BTBD10: variants seen among roughly 807,000 people sequenced by gnomAD.
BTBD10 encodes BTB/POZ domain-containing protein 10.
Under a neutral mutation model 53.2 loss-of-function variants are expected in BTBD10, and 21 were observed. The ratio of observed to expected loss-of-function variants is 0.39; its 90% CI spans 0.28 to 0.57. The LOEUF is 0.57. Among genes scored for constraint, BTBD10 ranks in the 20% least tolerant of loss-of-function variants. The pLI is 0.53. For synonymous variants in BTBD10, 149 were observed against 192.7 expected, an observed-to-expected ratio of 0.77 and a Z score of 1.88; for missense variants, 360 against 594.7, an observed-to-expected ratio of 0.61 and a Z score of 4.10.
rs1950222949 is a variant in BTBD10 at position 13,420,504 on chromosome 11, A to T, written c.299-759T>A. ...GAAAATTTTCTTAAGATGTTCTAAT[A>T]GTCTACAAAAGAAAAATAAAAACCA... On this transcript the variant is annotated intron_variant, in intron 3 of 8. Coordinates refer to ENST00000278174, the MANE Select transcript of BTBD10 (RefSeq NM_032320.7). Among the ~76,000 whole-genome samples, 2 of 152,156 alleles carry T rather than the reference A, an allele frequency of 1.3e-5. 1 individual carries two copies.
At chr11:13,458,876 C>T (rs1420863834) in intron 1 of BTBD10, among the ~76,000 whole-genome samples, 1 of 152,006 alleles carries the variant, frequency 6.6e-6, no homozygotes, top group Non-Finnish European at 1.5e-5. Context: ...CAAATTCAAG[C>T]CTGCATTGTA....
chr11:13,392,023 C>A (rs1949421875), intron 8 of BTBD10, among the ~76,000 whole-genome samples: 1 of 152,174 alleles, frequency 6.6e-6, no homozygotes, highest in Admixed American at 6.5e-5. Flanking sequence ...GATTTACCAA[C>A]CTATTCAGTC....
At chr11:13,436,384 A>T (rs192972092) in intron 2 of BTBD10, among the ~76,000 whole-genome samples, 346 of 152,286 alleles carry the variant, frequency 2.3e-3, no homozygotes, top group African/African-American at 7.7e-3. Flanking sequence ...CAGCTCCCCA[A>T]CCAAAATGTC....
rs1181402351 is a variant in BTBD10 at position 13,450,969 on chromosome 11, C to T, written c.-57-5788G>A. ...ACGAGTTCAGTTTGAAGTTTTTTTG[C>T]TGAGTGGCCTCCCCATCCCTCACAA... On this transcript the variant is annotated intron_variant, in intron 1 of 8. Transcript: ENST00000278174. Among the ~76,000 whole-genome samples the T allele has an allele frequency of 2.0e-5, 3 of 152,120 alleles. No individual in the cohort carries two copies. The East Asian group carries it at 5.8e-4, about 29-fold the overall frequency.
At position 13,459,387 on chromosome 11, in the gene BTBD10, G is replaced by A. The variant is rs537974597; in HGVS notation, c.-58+3705C>T. Among the ~76,000 whole-genome samples the A allele has an allele frequency of 3.9e-5, 6 of 152,024 alleles. No homozygotes were observed. The South Asian group carries it at 1.2e-3, about 32-fold the overall frequency. ...GATTGCTACATTCTTTAGCAAACTA[G>A]GTCTCAGTTTCAAGGATCTCAAAGT... On this transcript the variant is annotated intron_variant, in intron 1 of 8. Transcript: ENST00000278174.
At chr11:13,401,898 T>G (rs1949722830) in intron 8 of BTBD10, among the ~76,000 whole-genome samples, 1 of 152,218 alleles carries the variant, frequency 6.6e-6, no homozygotes, top group African/African-American at 2.4e-5. Flanking sequence ...GACATATGTA[T>G]GTTTTCTGTA....
At chr11:13,430,573 C>T (rs1266198426) in intron 2 of BTBD10, among the ~76,000 whole-genome samples, 2 of 152,066 alleles carry the variant, frequency 1.3e-5, no homozygotes, top group Non-Finnish European at 2.9e-5. Context: ...AATTTGTAAA[C>T]AAACATTCTT....
chr11:13,398,436 C>G (rs1342410304), intron 8 of BTBD10, among the ~76,000 whole-genome samples: 1 of 152,108 alleles, frequency 6.6e-6, no homozygotes, highest in Non-Finnish European at 1.5e-5. Flanking sequence ...CTATGTGTGT[C>G]TCTGCATGTG....
intron 6 of BTBD10, among the ~76,000 whole-genome samples, chr11:13,406,496 A>G (rs1221398948): frequency 6.6e-6 from 1 of 152,080 alleles, no homozygotes; most frequent in Non-Finnish European, 1.5e-5. Context: ...CTCAAGAACT[A>G]CTGCTACTGC....
chr11:13,405,485 A>T, intron 7 of BTBD10, 174 bp downstream of exon 7: 1 of 639,806 alleles, frequency 1.6e-6, no homozygotes, highest in Non-Finnish European at 2.7e-6. Context: ...CAACTACTCA[A>T]CTCTGCCACT....
At chr11:13,447,368 C>T (rs1479999023) in intron 1 of BTBD10, among the ~76,000 whole-genome samples, 1 of 152,156 alleles carries the variant, frequency 6.6e-6, no homozygotes, top group Admixed American at 6.5e-5. Context: ...ATGATCCTCC[C>T]ACTTCAGCCT....
chr11:13,428,680 A>G (rs1950392200), intron 2 of BTBD10, among the ~76,000 whole-genome samples: 1 of 152,172 alleles, frequency 6.6e-6, no homozygotes, highest in Non-Finnish European at 1.5e-5. Context: ...ATAAAAAAAG[A>G]ATAGTAATCA....
chr11:13,427,599 G>T (rs1214520888), intron 2 of BTBD10, among the ~76,000 whole-genome samples: 3 of 152,080 alleles, frequency 2.0e-5, no homozygotes, highest in Admixed American at 6.5e-5. Context: ...GGATTGATGA[G>T]ATTTGAATAA....
chr11:13,453,648 T>C (rs1246567555), intron 1 of BTBD10, among the ~76,000 whole-genome samples: 1 of 152,252 alleles, frequency 6.6e-6, no homozygotes, highest in Non-Finnish European at 1.5e-5. Context: ...CTGCCACATG[T>C]ACCCCATTAG....
At chr11:13,420,147 G>A (rs77842031) in intron 3 of BTBD10, among the ~76,000 whole-genome samples, 22,998 of 151,908 alleles carry the variant, frequency 0.15, 1,993 homozygotes, top group Admixed American at 0.24. Context: ...ACCAATTTAA[G>A]CTGTCCTAAT....
At chr11:13,422,865 A>G (rs1442830020) in intron 2 of BTBD10, among the ~76,000 whole-genome samples, 2 of 152,224 alleles carry the variant, frequency 1.3e-5, no homozygotes, top group Non-Finnish European at 2.9e-5. Flanking sequence ...GCACAATGCT[A>G]TGCTAAATGC....
At chr11:13,410,981 G>A (rs573216239) in intron 6 of BTBD10, among the ~76,000 whole-genome samples, 25 of 152,238 alleles carry the variant, frequency 1.6e-4, no homozygotes, top group African/African-American at 5.8e-4. Context: ...TTTTTAAAGA[G>A]AATGTTTTTG....
intron 8 of BTBD10, among the ~76,000 whole-genome samples, chr11:13,401,152 T>C (rs997292125): frequency 8.7e-5 from 13 of 150,238 alleles, no homozygotes; most frequent in Non-Finnish European, 1.2e-4. Flanking sequence ...TATATATATA[T>C]ACACACACAC....
chr11:13,447,578 T>C (rs1291244044), intron 1 of BTBD10, among the ~76,000 whole-genome samples: 1 of 152,198 alleles, frequency 6.6e-6, no homozygotes, highest in African/African-American at 2.4e-5. Flanking sequence ...ATTCAGATTT[T>C]CTACCACTAT....
Sources: gnomAD v4.1 joint callset for allele counts (sites outside exome capture counted in the v4.1 genomes callset) on GRCh38, gnomAD v4.1.1 for gene constraint, MANE v1.5 for transcripts, NCBI Gene and HGNC (gene_info 2026-07-23, HGNC 2026-07-21) for gene names.